The following CAMK2D variants were observed in gnomAD, a reference collection of about 807,000 sequenced individuals.
The protein encoded by CAMK2D is calcium/calmodulin dependent protein kinase II delta, also known as calcium/calmodulin-dependent protein kinase type II subunit delta.
Under a neutral mutation model 84.0 loss-of-function variants are expected in CAMK2D, and 37 were observed. The ratio of observed to expected loss-of-function variants is 0.44; its 90% CI spans 0.34 to 0.58. The LOEUF is 0.58. Among genes scored for constraint, CAMK2D ranks in the 20% least tolerant of loss-of-function variants. CAMK2D has a pLI of 0.02. For synonymous variants in CAMK2D, 202 were observed against 212.5 expected (o/e 0.95, Z 0.43); for missense variants, 448 against 652.5 (o/e 0.69, Z 3.41).
intron 4 of CAMK2D, among the ~76,000 whole-genome samples, chr4:113,553,940 T>C (rs775973832): frequency 2.6e-5 from 4 of 152,310 alleles, no homozygotes; most frequent in Non-Finnish European, 5.9e-5. Flanking sequence ...ATGTGACTGA[T>C]GTATTATAGA....
chr4:113,533,095 G>T (rs1161814189), intron 7 of CAMK2D, among the ~76,000 whole-genome samples: 1 of 151,714 alleles, frequency 6.6e-6, no homozygotes, highest in African/African-American at 2.4e-5. Flanking sequence ...CCTCTCCTAA[G>T]CTTCCCTAAG....
chr4:113,517,547 A>G lies in CAMK2D; in HGVS notation c.696+16T>C. On this transcript the variant is annotated intron_variant, in intron 9 of 20. Coordinates refer to ENST00000511664, the MANE Select transcript of CAMK2D (RefSeq NM_001321571.2). ...ACAAACCTTCATCTAAAGTGATATA[A>G]ATAGTTATTACATACATCATAAGCT... is the stretch of plus-strand genomic sequence containing the variant. 1 of 1,251,066 alleles carries G rather than the reference A, an allele frequency of 8.0e-7. No individual in the cohort carries two copies. Among genetic ancestry groups the G allele is most frequent in the Non-Finnish European group, 1.2e-6 (1 of 864,084 alleles). 77.5% of individuals were successfully genotyped at this position (1,251,066 alleles called of 1,614,324 possible). A position where few individuals can be genotyped will look rare whatever the true frequency, so the allele number is the denominator to read the frequency against.
At chr4:113,495,612 C>G (rs2097917650) in intron 16 of CAMK2D, among the ~76,000 whole-genome samples, 1 of 152,182 alleles carries the variant, frequency 6.6e-6, no homozygotes, top group South Asian at 2.1e-4. Flanking sequence ...TCCAGGTCAT[C>G]AAACATGAAT....
At chr4:113,615,698 T>C (rs937521821) in intron 3 of CAMK2D, among the ~76,000 whole-genome samples, 9 of 152,160 alleles carry the variant, frequency 5.9e-5, no homozygotes, top group Admixed American at 3.3e-4. Flanking sequence ...GAGATGTTCA[T>C]TTTTAAAACA....
chr4:113,553,378 G>A (rs201484125), intron 4 of CAMK2D, among the ~76,000 whole-genome samples: 9 of 152,278 alleles, frequency 5.9e-5, no homozygotes, highest in East Asian at 1.9e-4. Context: ...TCAAGTAAAG[G>A]TATAGAGCTT....
chr4:113,561,300 C>T (rs1025607307), intron 4 of CAMK2D, among the ~76,000 whole-genome samples: 1 of 151,916 alleles, frequency 6.6e-6, no homozygotes, highest in Non-Finnish European at 1.5e-5. Context: ...ATAGTGAGAC[C>T]CCGTATCTAT....
intron 4 of CAMK2D, among the ~76,000 whole-genome samples, chr4:113,583,739 ATG>A (rs2098821494): frequency 1.3e-5 from 2 of 152,224 alleles, no homozygotes; most frequent in Non-Finnish European, 2.9e-5. Flanking sequence ...TACAGATAGA[ATG>A]TACTTACTGA....
intron 2 of CAMK2D, among the ~76,000 whole-genome samples, chr4:113,692,627 T>C (rs968839777): frequency 5.5e-4 from 83 of 152,134 alleles, no homozygotes; most frequent in African/African-American, 1.9e-3. Context: ...CACACATTCA[T>C]ATATTCATTC....
At chr4:113,678,379 T>C (rs1218790681) in intron 2 of CAMK2D, among the ~76,000 whole-genome samples, 1 of 152,198 alleles carries the variant, frequency 6.6e-6, no homozygotes, top group Non-Finnish European at 1.5e-5. Flanking sequence ...TCAAAGCCTT[T>C]TAGGCATCTA....
chr4:113,640,698 A>G (rs1349894512), intron 3 of CAMK2D, among the ~76,000 whole-genome samples: 1 of 152,234 alleles, frequency 6.6e-6, no homozygotes, highest in Non-Finnish European at 1.5e-5. Context: ...ACATAGAAGA[A>G]GCCTGAAAGC....
intron 2 of CAMK2D, among the ~76,000 whole-genome samples, chr4:113,710,515 A>G (rs1194278896): frequency 6.6e-6 from 1 of 152,172 alleles, no homozygotes; most frequent in South Asian, 2.1e-4. Context: ...CACAGCTATC[A>G]ATCGATTATT....
chr4:113,455,860 A>AT, intron 19 of CAMK2D, 39 bp from the exon 20 acceptor site: 1 of 1,290,598 alleles, frequency 7.7e-7, no homozygotes, highest in Non-Finnish European at 1.1e-6. Flanking sequence ...CTGGCATAAA[A>AT]TGAAGTTTTC....
At chr4:113,523,764 C>A (rs1351433612) in intron 8 of CAMK2D, among the ~76,000 whole-genome samples, 1 of 151,448 alleles carries the variant, frequency 6.6e-6, no homozygotes, top group Non-Finnish European at 1.5e-5. Flanking sequence ...AGAGCCAGAC[C>A]CTGTCTCGAA....
chr4:113,666,527 C>T (rs1030953150), intron 2 of CAMK2D, among the ~76,000 whole-genome samples: 1 of 152,144 alleles, frequency 6.6e-6, no homozygotes, highest in African/African-American at 2.4e-5. Context: ...GGAGGGGTTG[C>T]CTTCTGTCAT....
chr4:113,612,535 T>C (rs2099004778), intron 3 of CAMK2D, among the ~76,000 whole-genome samples: 1 of 152,180 alleles, frequency 6.6e-6, no homozygotes, highest in African/African-American at 2.4e-5. Context: ...CCTCGTTCTT[T>C]CTATGACTGC....
At chr4:113,599,509 A>G (rs2098942492) in intron 4 of CAMK2D, among the ~76,000 whole-genome samples, 1 of 152,194 alleles carries the variant, frequency 6.6e-6, no homozygotes. Context: ...ACAAAAGGAA[A>G]TAAGCTATAA....
At position 113,453,800 on chromosome 4, in the gene CAMK2D, A is replaced by C. The variant is rs2097274271; in HGVS notation, c.*745T>G. ...ATAAAGAAAAGAGATCACAGATTTGAGAAAGAAAAACAATTCAATTCAGCA... is the reference window on the plus strand; with the variant it reads ...ATAAAGAAAAGAGATCACAGATTTGCGAAAGAAAAACAATTCAATTCAGCA... On this transcript the variant is annotated 3_prime_UTR_variant, in exon 21 of 21. Coordinates refer to ENST00000511664, the MANE Select transcript of CAMK2D (RefSeq NM_001321571.2). 1 of 152,624 alleles carries C rather than the reference A, an allele frequency of 6.6e-6. No homozygotes were observed. The highest frequency in any genetic ancestry group is 1.5e-5 in the Non-Finnish European group (1 of 68,034). The allele number at this position is 152,624 out of a possible 1,614,324, so 9.5% of individuals were successfully genotyped here.
At chr4:113,518,684 A>C (rs1408900046) in intron 8 of CAMK2D, among the ~76,000 whole-genome samples, 1 of 152,194 alleles carries the variant, frequency 6.6e-6, no homozygotes, top group Non-Finnish European at 1.5e-5. Flanking sequence ...AGAGTAAGAC[A>C]GGTGACACTT....
chr4:113,482,624 C>A (rs1437809664), intron 16 of CAMK2D, among the ~76,000 whole-genome samples: 2 of 152,104 alleles, frequency 1.3e-5, no homozygotes, highest in Non-Finnish European at 2.9e-5. Context: ...ATAACTTAAT[C>A]TATAACTTAT....
Sources: gnomAD v4.1 joint callset for allele counts (sites outside exome capture counted in the v4.1 genomes callset) on GRCh38, gnomAD v4.1.1 for gene constraint, MANE v1.5 for transcripts, NCBI Gene and HGNC (gene_info 2026-07-23, HGNC 2026-07-21) for gene names.